Variants in USP26 observed in about 807,000 individuals in gnomAD.
The protein encoded by USP26 is ubiquitin specific peptidase 26.
For missense variants in USP26, 649 were observed against 642.3 expected, an observed-to-expected ratio of 1.01 and a Z score of -0.11; for synonymous variants, 236 against 240.6, an observed-to-expected ratio of 0.98 and a Z score of 0.18.
chrX:133,026,201 C>T lies in USP26; in HGVS notation c.2020G>A (p.Gly674Ser), dbSNP rs1489995205. The T allele has an allele frequency of 8.3e-7, 1 of 1,210,859 alleles. No individual in the cohort carries two copies. The highest frequency in any genetic ancestry group is 1.7e-5 in the African/African-American group (1 of 57,594). Residue 674 changes from glycine (G) to serine (S), a missense_variant, in exon 6 of 6, where the codon GGT becomes AGT. Transcript: ENST00000511190. Reference protein sequence around the residue: ...TSLCQFHKAGGKPASSPGTPL... With the variant: ...TSLCQFHKAGSKPASSPGTPL... ...GTGCCTGGGCTGCTGGCAGGTTTAC[C>T]TCCAGCTTTGTGGAACTGACAAAGT...
rs190564650 is a variant in USP26, at chrX:133,041,822, C to G, written c.-76-13526G>C. ...GAAGCTGTGCCCACAGCCACCCTTC[C>G]TCCTACGTGCTCTGTCCTAGGGAGA... On this transcript the variant is annotated intron_variant, in intron 5 of 5. Coordinates refer to ENST00000511190, the MANE Select transcript of USP26 (RefSeq NM_031907.3). Among the ~76,000 whole-genome samples the G allele has an allele frequency of 4.4e-5, 5 of 112,362 alleles. No homozygotes were observed. The East Asian group carries it at 1.4e-3, about 32-fold the overall frequency.
At chrX:133,071,218 A>AAAT (rs1295722266) in intron 5 of USP26, among the ~76,000 whole-genome samples, 5 of 110,041 alleles carry the variant, frequency 4.5e-5, no homozygotes, top group Admixed American at 9.8e-5. Flanking sequence ...TCCATCACAA[A>AAAT]AATAATAATA....
rs775150136 is a variant in USP26, at chrX:133,027,984, A to G, written c.237T>C (p.Asn79=). ...NHLHLTLQNN[N]GLFIEGLSST... is the part of the protein sequence containing the mutation. Reference sequence around the variant, plus strand: ...AGGATAATCCTTCAATAAACAAGCCATTATTATTTTGTAAAGTTAAATGCA... The same window carrying G: ...AGGATAATCCTTCAATAAACAAGCCGTTATTATTTTGTAAAGTTAAATGCA... The change falls in exon 6 of 6, where the codon AAT becomes AAC. Residue 79 remains asparagine (N), a synonymous_variant. Coordinates refer to ENST00000511190, the MANE Select transcript of USP26 (RefSeq NM_031907.3). The G allele has an allele frequency of 5.1e-5, 62 of 1,209,887 alleles. No individual in the cohort carries two copies. The highest frequency in any genetic ancestry group is 2.4e-4 in the East Asian group (8 of 33,767).
At chrX:133,041,007 T>C (rs943070994) in intron 5 of USP26, among the ~76,000 whole-genome samples, 1 of 110,184 alleles carries the variant, frequency 9.1e-6, no homozygotes, top group Admixed American at 9.8e-5. Context: ...TTGTTTATGC[T>C]TCACGAAGTT....
rs752879733 is a variant in USP26, at chrX:133,026,639, C to G, written c.1582G>C (p.Glu528Gln). ...IVHLKRYSLN[E>Q]FCALKKNDQE... Reference sequence around the variant, plus strand: ...TCATTCTTCTTTAATGCACAAAACTCATTCAAGCTATAGCGTTTGAGGTGA... The same window carrying G: ...TCATTCTTCTTTAATGCACAAAACTGATTCAAGCTATAGCGTTTGAGGTGA... Residue 528 changes from glutamate (E) to glutamine (Q), a missense_variant, in exon 6 of 6, where the codon GAG becomes CAG. Physicochemically the swap from Glu to Gln is conservative, Grantham distance 29. Coordinates refer to ENST00000511190, the MANE Select transcript of USP26 (RefSeq NM_031907.3). 2 of 1,205,288 alleles carry G rather than the reference C, an allele frequency of 1.7e-6. No homozygotes were observed. Among genetic ancestry groups the G allele is most frequent in the African/African-American group, 3.5e-5 (2 of 56,473 alleles).
chrX:133,028,070 G>A lies in USP26; in HGVS notation c.151C>T (p.Arg51Trp), dbSNP rs146792106. Residue 51 changes from arginine to tryptophan, a missense_variant, in exon 6 of 6, where the codon CGG (arginine) becomes TGG (tryptophan). By Grantham distance (101) the Arg-to-Trp change is moderately radical (BLOSUM62 -3). Transcript: ENST00000511190. ...YFKSGKYSTF[R>W]LSDNIQNVVL... ...ACATTTTGAATATTATCACTTAGCC[G>A]AAAAGTGCTATATTTTCCACTTTTG... The A allele has an allele frequency of 1.5e-4, 182 of 1,208,611 alleles. No homozygotes were observed. The African/African-American group carries it at 2.6e-3, about 17-fold the overall frequency.
rs1386690040 is a variant in USP26, at chrX:133,028,153, T to G, written c.68A>C (p.Lys23Thr). The G allele has an allele frequency of 8.3e-7, 1 of 1,211,280 alleles. No individual in the cohort carries two copies. The highest frequency in any genetic ancestry group is 2.2e-5 in the Admixed American group (1 of 45,978). Residue 23 changes from lysine (K) to threonine (T), a missense_variant, in exon 6 of 6, where the codon AAA (lysine) becomes ACA (threonine). Physicochemically the swap from Lys to Thr is moderately conservative, Grantham distance 78 (BLOSUM62 -1). Transcript: ENST00000511190. ...GNCKTGISKS[K>T]EAFIEAVERK... ...TTCCACTGCTTCAATGAATGCTTCT[T>G]TTGACTTAGATATCCCAGTCTTGCA...
At chrX:133,068,895 T>C (rs1047120628) in intron 5 of USP26, among the ~76,000 whole-genome samples, 3 of 112,394 alleles carry the variant, frequency 2.7e-5, no homozygotes, top group Non-Finnish European at 5.6e-5. Context: ...TTTGGAGGTG[T>C]TCCGCTAATT....
chrX:133,026,387 T>G lies in USP26; in HGVS notation c.1834A>C (p.Lys612Gln), dbSNP rs750906053. Reference sequence around the variant, plus strand: ...GCCCCTTTAAAGACTGTCTGGCCTTTTTTTTGTTCAGACTCCTTATCTGAT... The same window carrying G: ...GCCCCTTTAAAGACTGTCTGGCCTTGTTTTTGTTCAGACTCCTTATCTGAT... ...IGSDKESEQK[K>Q]GQTVFKGASR... is the part of the protein sequence containing the mutation. The change falls in exon 6 of 6, where the codon AAA becomes CAA. Residue 612 changes from lysine to glutamine, a missense_variant. Physicochemically the swap from Lys to Gln is moderately conservative, Grantham distance 53. Coordinates refer to ENST00000511190, the MANE Select transcript of USP26 (RefSeq NM_031907.3). 5 of 1,207,960 alleles carry G rather than the reference T, an allele frequency of 4.1e-6. No homozygotes were observed. Among genetic ancestry groups the G allele is most frequent in the Non-Finnish European group, 4.5e-6 (4 of 894,663 alleles).
chrX:133,026,760 A>G lies in USP26; in HGVS notation c.1461T>C (p.Phe487=). The change falls in exon 6 of 6, where the codon TTT becomes TTC. Residue 487 remains phenylalanine, a synonymous_variant. Transcript: ENST00000511190. Reference sequence around the variant, plus strand: ...ATTTATACTCAAGCTCTTCTGCTCCAAAAAAAAGATCAAAAGTAGACTGAA... The same window carrying G: ...ATTTATACTCAAGCTCTTCTGCTCCGAAAAAAAGATCAAAAGTAGACTGAA... ...SSIQSTFDLF[F]GAEELEYKCA... The G allele has an allele frequency of 8.3e-7, 1 of 1,205,176 alleles. No homozygotes were observed. The highest frequency in any genetic ancestry group is 1.1e-6 in the Non-Finnish European group (1 of 890,571).
At chrX:133,054,924 T>C (rs1602978814) in intron 5 of USP26, among the ~76,000 whole-genome samples, 1 of 112,329 alleles carries the variant, frequency 8.9e-6, no homozygotes, top group African/African-American at 3.2e-5. Flanking sequence ...TAAAGATCTA[T>C]TGTAGTCCTA....
At chrX:133,082,174 C>T (rs1019560209) in intron 5 of USP26, among the ~76,000 whole-genome samples, 3 of 111,818 alleles carry the variant, frequency 2.7e-5, no homozygotes, top group Non-Finnish European at 5.6e-5. Context: ...CATCAAAGGC[C>T]TTTGTCTTCC....
chrX:133,032,417 G>C, intron 5 of USP26, among the ~76,000 whole-genome samples: 1 of 111,872 alleles, frequency 8.9e-6, no homozygotes, highest in South Asian at 3.7e-4. Flanking sequence ...TTGGCATGTT[G>C]GAAACAGAAA....
At chrX:133,073,336 TAAAAAAAAAA>T (rs748725340) in intron 5 of USP26, among the ~76,000 whole-genome samples, 4 of 74,912 alleles carry the variant, frequency 5.3e-5, no homozygotes, top group Non-Finnish European at 1.0e-4. Flanking sequence ...TTCATGGGAC[TAAAAAAAAAA>T]AAAAAAAAAA....
chrX:133,034,245 A>G (rs962036911), intron 5 of USP26, among the ~76,000 whole-genome samples: 1 of 111,824 alleles, frequency 8.9e-6, no homozygotes, highest in Non-Finnish European at 1.9e-5. Context: ...TCCTTTGCCG[A>G]GAGAAACCAT....
chrX:133,077,735 C>T (rs1164450264), intron 5 of USP26, among the ~76,000 whole-genome samples: 1 of 111,171 alleles, frequency 9.0e-6, no homozygotes, highest in African/African-American at 3.3e-5. Context: ...ATGTTTTGGT[C>T]CTTGCAGTAA....
chrX:133,089,935 G>C (rs996926624), intron 4 of USP26, among the ~76,000 whole-genome samples, 178 bp downstream of exon 4: 1 of 111,730 alleles, frequency 9.0e-6, no homozygotes, highest in Non-Finnish European at 1.9e-5. Flanking sequence ...AGAATAGCCT[G>C]GGCAACACAG....
chrX:133,050,139 C>T (rs1322877254), intron 5 of USP26, among the ~76,000 whole-genome samples: 1 of 112,017 alleles, frequency 8.9e-6, no homozygotes, highest in African/African-American at 3.2e-5. Context: ...ACACTTTAAA[C>T]CAGGTGTTTC....
intron 5 of USP26, among the ~76,000 whole-genome samples, chrX:133,055,139 A>G (rs932333064): frequency 8.9e-6 from 1 of 112,764 alleles, no homozygotes; most frequent in Non-Finnish European, 1.9e-5. Flanking sequence ...GTCTGCACTT[A>G]CTGAAAAGGA....
Sources: gnomAD v4.1 joint callset for allele counts (sites outside exome capture counted in the v4.1 genomes callset) on GRCh38, gnomAD v4.1.1 for gene constraint, MANE v1.5 for transcripts, NCBI Gene and HGNC (gene_info 2026-07-23, HGNC 2026-07-21) for gene names.